NR2F1-AS1: variants seen among roughly 807,000 people sequenced by gnomAD.
NR2F1-AS1 encodes the protein NR2F1 antisense RNA 1.
intron 1 of NR2F1-AS1, among the ~76,000 whole-genome samples, chr5:93,573,413 C>G (rs1253591471): frequency 6.6e-6 from 1 of 152,142 alleles, no homozygotes; most frequent in Admixed American, 6.5e-5. Context: ...CGGCCTTTGC[C>G]CAGATGCGCC....
intron 4 of NR2F1-AS1, among the ~76,000 whole-genome samples, chr5:93,469,990 G>T (rs1052446217): frequency 6.6e-6 from 1 of 152,020 alleles, no homozygotes; most frequent in African/African-American, 2.4e-5. Flanking sequence ...AGTTCAAATT[G>T]TGGTTAGCAG....
chr5:93,440,176 G>A (rs752197378), intron 4 of NR2F1-AS1, among the ~76,000 whole-genome samples: 10 of 149,676 alleles, frequency 6.7e-5, no homozygotes, highest in South Asian at 4.3e-4. Context: ...TCTTTCTCTC[G>A]CTCGCTCTCT....
Position 93,521,000 on chromosome 5 carries a change from T to C in NR2F1-AS1, n.638+32761A>G, listed in dbSNP as rs368964095. On this transcript the variant is annotated intron_variant and non_coding_transcript_variant, in intron 4 of 5. Transcript: ENST00000660523. Reference sequence around the variant, plus strand: ...AGAGTCAATGGTATACAAAACAACATGGTACTGGTTCAAAAAAAGTGCATA... The same window carrying C: ...AGAGTCAATGGTATACAAAACAACACGGTACTGGTTCAAAAAAAGTGCATA... Among the ~76,000 whole-genome samples the C allele has an allele frequency of 2.0e-5, 3 of 152,120 alleles. No individual in the cohort carries two copies. In the East Asian group the frequency reaches 5.8e-4, roughly 29 times the overall value.
At chr5:93,513,413 T>C (rs981651741) in intron 4 of NR2F1-AS1, among the ~76,000 whole-genome samples, 8 of 152,100 alleles carry the variant, frequency 5.3e-5, no homozygotes, top group Admixed American at 5.2e-4. Context: ...GGAATCAACC[T>C]AGTTACCTAC....
rs536157938 is a variant in NR2F1-AS1, at chr5:93,523,506, A to T, written n.638+30255T>A. On this transcript the variant is annotated intron_variant and non_coding_transcript_variant, in intron 4 of 5. Transcript: ENST00000660523. Reference sequence around the variant, plus strand: ...CACAACCCTTGAGCTCTGCTAAGAAACACACTGCCTCCTCAAGTGGGTCCC... The same window carrying T: ...CACAACCCTTGAGCTCTGCTAAGAATCACACTGCCTCCTCAAGTGGGTCCC... 8.5e-4 allele frequency among the ~76,000 whole-genome samples: 129 copies of T among 152,290 alleles called. 1 individual carries two copies. Among genetic ancestry groups the T allele is most frequent in the African/African-American group, 2.6e-3 (109 of 41,574 alleles).
chr5:93,473,856 C>A (rs1750425465), intron 4 of NR2F1-AS1, among the ~76,000 whole-genome samples: 1 of 151,830 alleles, frequency 6.6e-6, no homozygotes, highest in Admixed American at 6.6e-5. Flanking sequence ...CTCATGGATA[C>A]TTGAGAAATT....
chr5:93,486,742 T>C (rs1388998803), intron 4 of NR2F1-AS1, among the ~76,000 whole-genome samples: 2 of 152,170 alleles, frequency 1.3e-5, no homozygotes, highest in Non-Finnish European at 1.5e-5. Context: ...CCTAACTCAT[T>C]TTATGATGCC....
At chr5:93,465,319 C>T (rs1671457913) in intron 4 of NR2F1-AS1, among the ~76,000 whole-genome samples, 1 of 152,162 alleles carries the variant, frequency 6.6e-6, no homozygotes, top group African/African-American at 2.4e-5. Context: ...ACAGACACAT[C>T]AAAAAATGCT....
At chr5:93,439,386 C>T (rs976323708) in intron 4 of NR2F1-AS1, among the ~76,000 whole-genome samples, 3 of 152,192 alleles carry the variant, frequency 2.0e-5, no homozygotes, top group Non-Finnish European at 2.9e-5. Flanking sequence ...CTCCGCCCCC[C>T]GGGGTTCACG....
chr5:93,541,359 C>A (rs73133283), intron 4 of NR2F1-AS1, among the ~76,000 whole-genome samples: 19,148 of 152,122 alleles, frequency 0.13, 1,511 homozygotes, highest in African/African-American at 0.22. Context: ...TATACTTTTT[C>A]CTCCTGGGAA....
chr5:93,470,970 G>T (rs1750353225), intron 4 of NR2F1-AS1, among the ~76,000 whole-genome samples: 1 of 151,694 alleles, frequency 6.6e-6, no homozygotes, highest in South Asian at 2.1e-4. Flanking sequence ...ATCAAGATAT[G>T]ACTATGTCAA....
intron 4 of NR2F1-AS1, among the ~76,000 whole-genome samples, chr5:93,430,830 C>A (rs972162851): frequency 2.8e-5 from 4 of 143,332 alleles, no homozygotes; most frequent in Non-Finnish European, 4.7e-5. Flanking sequence ...TCCTCAGGAG[C>A]CTTTTTGTGT....
chr5:93,479,215 T>A (rs960763692), intron 4 of NR2F1-AS1, among the ~76,000 whole-genome samples: 1 of 151,902 alleles, frequency 6.6e-6, no homozygotes, highest in Non-Finnish European at 1.5e-5. Flanking sequence ...AGGAACCTTC[T>A]CTTGAAAAAA....
chr5:93,468,878 T>C (rs994895948), intron 4 of NR2F1-AS1, among the ~76,000 whole-genome samples: 8 of 152,224 alleles, frequency 5.3e-5, no homozygotes, highest in Admixed American at 3.3e-4. Flanking sequence ...TAGCCAGTTT[T>C]CCCAGCACCA....
chr5:93,572,139 C>G (rs1752783837), intron 1 of NR2F1-AS1, among the ~76,000 whole-genome samples: 1 of 152,240 alleles, frequency 6.6e-6, no homozygotes, highest in African/African-American at 2.4e-5. Flanking sequence ...GGTCTAAATA[C>G]AGCCACGTGC....
At chr5:93,515,672 C>A (rs1316416481) in intron 4 of NR2F1-AS1, among the ~76,000 whole-genome samples, 1 of 141,114 alleles carries the variant, frequency 7.1e-6, no homozygotes, top group Non-Finnish European at 1.6e-5. Context: ...ATAATATTAA[C>A]AATAAATGGT....
intron 4 of NR2F1-AS1, among the ~76,000 whole-genome samples, chr5:93,468,516 G>A (rs933936457): frequency 1.3e-5 from 2 of 152,120 alleles, no homozygotes; most frequent in Non-Finnish European, 2.9e-5. Context: ...TTGTAAAGTT[G>A]TTTAAGTTCC....
chr5:93,433,854 T>C (rs753721990), intron 4 of NR2F1-AS1, among the ~76,000 whole-genome samples: 1 of 152,190 alleles, frequency 6.6e-6, no homozygotes, highest in African/African-American at 2.4e-5. Flanking sequence ...CTCCTTCCTA[T>C]GCCTCATTTC....
chr5:93,551,794 A>G (rs1326290614), intron 4 of NR2F1-AS1, among the ~76,000 whole-genome samples: 2 of 152,200 alleles, frequency 1.3e-5, no homozygotes, highest in African/African-American at 2.4e-5. Flanking sequence ...ATTCAGCTGT[A>G]TAAACTTTGT....
Sources: allele counts gnomAD v4.1 joint callset (sites outside exome capture counted in the v4.1 genomes callset), GRCh38; gene constraint gnomAD v4.1.1; transcripts MANE v1.5; gene names NCBI Gene and HGNC (gene_info 2026-07-23, HGNC 2026-07-21).